PDE2A: variants seen among roughly 807,000 people sequenced by gnomAD.
PDE2A encodes phosphodiesterase 2A, also known as cGMP-dependent 3',5'-cyclic phosphodiesterase.
A neutral mutation model predicts 133.6 loss-of-function variants in PDE2A; 53 were observed. The ratio of observed to expected loss-of-function variants is 0.40; its 90% CI spans 0.32 to 0.50. The LOEUF (loss-of-function observed/expected upper bound fraction) is 0.50, where lower values mean the gene tolerates loss of function less well. Ranked by LOEUF, PDE2A falls within the 20% of genes least tolerant of loss-of-function variation. PDE2A has a pLI of 0.73. For missense variants in PDE2A, 796 were observed against 1,232.4 expected, an observed-to-expected ratio of 0.65 and a Z score of 5.30; for synonymous variants, 491 against 490.2, an observed-to-expected ratio of 1.00 and a Z score of -0.02.
chr11:72,672,687 T>C (rs929627698), intron 1 of PDE2A, among the ~76,000 whole-genome samples: 5 of 151,832 alleles, frequency 3.3e-5, no homozygotes, highest in Admixed American at 1.3e-4. Flanking sequence ...GCTTATGCAG[T>C]TCCCACCCCA....
At chr11:72,639,138 T>C (rs1858840913) in intron 2 of PDE2A, among the ~76,000 whole-genome samples, 1 of 152,216 alleles carries the variant, frequency 6.6e-6, no homozygotes, top group South Asian at 2.1e-4. Context: ...CCAGTAGGGT[T>C]TTCCCACAGC....
At chr11:72,591,148 G>A (rs537900438) in intron 7 of PDE2A, 149 bp downstream of exon 7, 39 of 685,996 alleles carry the variant, frequency 5.7e-5, no homozygotes, top group Admixed American at 5.4e-4. Context: ...GCCCAGAGAC[G>A]TTTAGTGACT....
chr11:72,597,467 TCCCTGC>T lies in PDE2A; in HGVS notation c.433+37_433+42del, dbSNP rs3832776. On this transcript the variant is annotated intron_variant, in intron 5 of 30. Coordinates refer to ENST00000334456, the MANE Select transcript of PDE2A (RefSeq NM_002599.5). This position sits in a 1 kb window ranked among gnomAD's most constrained non-coding sequence, Gnocchi z 4.6. ...CCTGGAGTGCAGGGGCCACAGTCCC[TCCCTGC>T]CCCTGCCCCTGCCCCTGCCCAGCCC... The T allele has an allele frequency of 0.5, 562,258 of 1,121,798 alleles. 152,681 individuals are homozygous for T. The highest frequency in any genetic ancestry group is 0.79 in the African/African-American group (51,900 of 65,376). The allele number at this position is 1,121,798 out of a possible 1,614,324, so 69.5% of individuals were successfully genotyped here.
At chr11:72,610,205 G>C (rs189189501) in intron 2 of PDE2A, among the ~76,000 whole-genome samples, 126 of 152,272 alleles carry the variant, frequency 8.3e-4, no homozygotes, top group Non-Finnish European at 2.4e-4. Flanking sequence ...CTAGATGGGG[G>C]ATCTGAACTC....
intron 2 of PDE2A, among the ~76,000 whole-genome samples, chr11:72,629,548 T>G (rs1332437001): frequency 1.3e-5 from 2 of 152,142 alleles, no homozygotes; most frequent in Non-Finnish European, 2.9e-5. Context: ...TAATGTGGCT[T>G]TCCAGGCCCT....
chr11:72,658,697 T>G (rs1854968026), intron 1 of PDE2A, among the ~76,000 whole-genome samples: 1 of 152,092 alleles, frequency 6.6e-6, no homozygotes, highest in Non-Finnish European at 1.5e-5. Context: ...AGCAGGAGAA[T>G]GGGAACAAAA....
intron 2 of PDE2A, chr11:72,631,032 C>T (rs1258250930): frequency 9.1e-6 from 13 of 1,427,466 alleles, no homozygotes; most frequent in Non-Finnish European, 1.3e-5. Flanking sequence ...CAGTCTGCGC[C>T]CCACCCCCTC....
At position 72,674,133 on chromosome 11, in the gene PDE2A, T is replaced by C; in HGVS notation, c.71+4A>G. 1 of 1,612,964 alleles carries C rather than the reference T, an allele frequency of 6.2e-7. No homozygotes were observed. Among genetic ancestry groups the C allele is most frequent in the Non-Finnish European group, 8.5e-7 (1 of 1,179,610 alleles). On this transcript the variant is annotated splice_donor_region_variant and intron_variant, in intron 1 of 30. Coordinates refer to ENST00000334456, the MANE Select transcript of PDE2A (RefSeq NM_002599.5). Reference sequence around the variant, plus strand: ...TCACCACCCCAGCCCCTCACTATACTCACGGCTCAGCCGGTCGCGCTGCCG... The same window carrying C: ...TCACCACCCCAGCCCCTCACTATACCCACGGCTCAGCCGGTCGCGCTGCCG...
rs547411014 is a variant in PDE2A, at chr11:72,661,221, C to G, written c.71+12916G>C. Among the ~76,000 whole-genome samples, 4 of 152,202 alleles carry G rather than the reference C, an allele frequency of 2.6e-5. No individual in the cohort carries two copies. In the South Asian group the frequency reaches 6.2e-4, roughly 24 times the overall value. ...TCGGGAGGCTGAGGAAGGAGAATCG[C>G]CTGAACCTGGGAGGTGGAGGTTGCA... On this transcript the variant is annotated intron_variant, in intron 1 of 30. Coordinates refer to ENST00000334456, the MANE Select transcript of PDE2A (RefSeq NM_002599.5).
rs758213996 is a variant in PDE2A at position 72,597,101 on chromosome 11, C to G, written c.433+409G>C. ...AGAGAGGGACATGGCGGACAGGAGGCATGGAGGAGAAGAAAAAGAGAAATA... is the reference window on the plus strand; with the variant it reads ...AGAGAGGGACATGGCGGACAGGAGGGATGGAGGAGAAGAAAAAGAGAAATA... On this transcript the variant is annotated intron_variant, in intron 5 of 30. Transcript: ENST00000334456. This position sits in a 1 kb window ranked among gnomAD's most constrained non-coding sequence, Gnocchi z 4.6. Among the ~76,000 whole-genome samples the G allele has an allele frequency of 6.6e-6, 1 of 151,880 alleles. No homozygotes were observed. The highest frequency in any genetic ancestry group is 1.5e-5 in the Non-Finnish European group (1 of 67,976).
intron 1 of PDE2A, among the ~76,000 whole-genome samples, chr11:72,660,762 G>A (rs1347766095): frequency 1.3e-5 from 2 of 152,204 alleles, no homozygotes; most frequent in East Asian, 3.9e-4. Context: ...AGGCATGGAT[G>A]ATGTGCCCAC....
At position 72,589,768 on chromosome 11, in the gene PDE2A, C is replaced by T; in HGVS notation, c.856G>A (p.Glu286Lys). The T allele has an allele frequency of 6.2e-7, 1 of 1,613,836 alleles. No individual in the cohort carries two copies. The highest frequency in any genetic ancestry group is 1.1e-5 in the South Asian group (1 of 91,004). ...GGACTCACGGGAAAGCTGACCTCTT[C>T]CCCGAGCACTTTGTCTCCGATGACC... The part of the protein sequence containing the change: ...CKVIGDKVLG[E>K]EVSFPLTGCL... The change falls in exon 11 of 31, where the codon GAA (glutamate) becomes AAA (lysine). Residue 286 changes from glutamate to lysine, a missense_variant. Glu to Lys is a moderately conservative substitution (Grantham distance 56, BLOSUM62 1). Coordinates refer to ENST00000334456, the MANE Select transcript of PDE2A (RefSeq NM_002599.5).
At chr11:72,645,117 T>C (rs1859097742) in intron 1 of PDE2A, among the ~76,000 whole-genome samples, 1 of 152,242 alleles carries the variant, frequency 6.6e-6, no homozygotes, top group East Asian at 1.9e-4. Flanking sequence ...CTGGGGTCCC[T>C]GGTGTGTGCT....
intron 1 of PDE2A, chr11:72,658,341 C>T (rs12797368): frequency 0.45 from 163,236 of 360,058 alleles, 39,913 homozygotes; most frequent in Middle Eastern, 0.64. Context: ...AGACCACCCT[C>T]ATCCAAGCAG....
intron 3 of PDE2A, among the ~76,000 whole-genome samples, chr11:72,605,510 TAA>T (rs912343103): frequency 4.6e-5 from 7 of 152,208 alleles, no homozygotes; most frequent in African/African-American, 1.7e-4. Flanking sequence ...ATGTGCCAGG[TAA>T]AGAGTTTCAA....
At chr11:72,633,108 C>T (rs75310879) in intron 2 of PDE2A, among the ~76,000 whole-genome samples, 2,402 of 152,272 alleles carry the variant, frequency 0.016, 43 homozygotes, top group African/African-American at 0.055. Flanking sequence ...ACTCCATAGC[C>T]GCCAGTTAGA....
At chr11:72,660,953 G>A (rs1338004110) in intron 1 of PDE2A, among the ~76,000 whole-genome samples, 1 of 152,040 alleles carries the variant, frequency 6.6e-6, no homozygotes, top group African/African-American at 2.4e-5. Context: ...AGAGAAATCA[G>A]GCAGGGTCTG....
intron 1 of PDE2A, among the ~76,000 whole-genome samples, chr11:72,651,833 T>C (rs1320299280): frequency 6.6e-6 from 1 of 152,180 alleles, no homozygotes; most frequent in Non-Finnish European, 1.5e-5. Context: ...CGCCCAAGTC[T>C]ATCTCATCTC....
At chr11:72,671,072 C>T (rs749544208) in intron 1 of PDE2A, among the ~76,000 whole-genome samples, 1 of 152,326 alleles carries the variant, frequency 6.6e-6, no homozygotes, top group East Asian at 1.9e-4. Flanking sequence ...CTCTTCCCTG[C>T]CTGGGTGATT....
Sources: allele counts gnomAD v4.1 joint callset (sites outside exome capture counted in the v4.1 genomes callset), GRCh38; gene constraint gnomAD v4.1.1; non-coding constraint Gnocchi (gnomAD v3.1); transcripts MANE v1.5; gene names NCBI Gene and HGNC (gene_info 2026-07-23, HGNC 2026-07-21).